The following CBX1 variants were observed in gnomAD, a reference collection of about 807,000 sequenced individuals.
CBX1 encodes the protein chromobox 1, also known as chromobox protein homolog 1.
A neutral mutation model predicts 25.1 loss-of-function variants in CBX1; 10 were observed. That is an observed-to-expected ratio of 0.40 (90% CI 0.25 to 0.68). The LOEUF (loss-of-function observed/expected upper bound fraction) is 0.68, where lower values mean the gene tolerates loss of function less well. CBX1 is among the 30% of genes least tolerant of loss of function. The pLI, the probability that CBX1 is intolerant of heterozygous loss-of-function variation, is 0.40. For missense variants in CBX1, 106 were observed against 218.5 expected (o/e 0.49, Z 3.25); for synonymous variants, 63 against 79.4 (o/e 0.79, Z 1.10).
At chr17:48,078,340 C>T (rs2037697464) in intron 1 of CBX1, among the ~76,000 whole-genome samples, 1 of 151,968 alleles carries the variant, frequency 6.6e-6, no homozygotes, top group Admixed American at 6.6e-5. Context: ...CTACCGGCGC[C>T]CGCCACCACG....
chr17:48,072,868 C>T (rs1441709165), intron 4 of CBX1, among the ~76,000 whole-genome samples: 1 of 151,948 alleles, frequency 6.6e-6, no homozygotes, highest in Non-Finnish European at 1.5e-5. Context: ...CAGTAGCTCA[C>T]GCCTATAATC....
At chr17:48,081,530 C>T (rs1393355207) in intron 1 of CBX1, among the ~76,000 whole-genome samples, 1 of 152,202 alleles carries the variant, frequency 6.6e-6, no homozygotes, top group Non-Finnish European at 1.5e-5. Flanking sequence ...CCTTCACCTC[C>T]TGAGTTCAAG....
chr17:48,077,463 T>G (rs2037688865), intron 1 of CBX1, among the ~76,000 whole-genome samples: 1 of 148,282 alleles, frequency 6.7e-6, no homozygotes, highest in Non-Finnish European at 1.5e-5. Flanking sequence ...TGTTTTTTTT[T>G]TTTTAGTAGA....
chr17:48,082,266 G>A (rs2037745872), intron 1 of CBX1, among the ~76,000 whole-genome samples: 1 of 151,910 alleles, frequency 6.6e-6, no homozygotes. Flanking sequence ...ACTTTGGGAG[G>A]CTGAGGTGGG....
In CBX1 at chr17:48,077,454, GTT is replaced by G. The variant is rs1555577819; in HGVS notation, c.-37-415_-37-414del. Among the ~76,000 whole-genome samples, 118 of 131,596 alleles carry G rather than the reference GTT, an allele frequency of 9.0e-4. 1 individual carries two copies. Among genetic ancestry groups the G allele is most frequent in the East Asian group, 2.5e-3 (12 of 4,716 alleles). 86.3% of individuals were successfully genotyped at this position (131,596 alleles called of 152,430 possible). On this transcript the variant is annotated intron_variant, in intron 1 of 4. Coordinates refer to ENST00000225603, the MANE Select transcript of CBX1 (RefSeq NM_001127228.2). ...TGTTGTTTTTTTTTTTGTTTTTTTTGTTTTTTTTTTTTTAGTAGAGACGGGAT... is the reference window on the plus strand; with the variant it reads ...TGTTGTTTTTTTTTTTGTTTTTTTTGTTTTTTTTTTTAGTAGAGACGGGAT...
chr17:48,074,584 G>A (rs1375973841), intron 4 of CBX1, among the ~76,000 whole-genome samples: 1 of 151,702 alleles, frequency 6.6e-6, no homozygotes, highest in Non-Finnish European at 1.5e-5. Flanking sequence ...CAACAATTAA[G>A]GACAAAAGGA....
intron 1 of CBX1, among the ~76,000 whole-genome samples, chr17:48,090,239 G>C (rs531024687): frequency 6.6e-6 from 1 of 152,154 alleles, no homozygotes; most frequent in East Asian, 1.9e-4. Flanking sequence ...GATGACCTAT[G>C]TAAGTACAAA....
At chr17:48,082,301 G>A (rs2037746322) in intron 1 of CBX1, among the ~76,000 whole-genome samples, 1 of 151,904 alleles carries the variant, frequency 6.6e-6, no homozygotes, top group Admixed American at 6.6e-5. Context: ...AGGAGATCGA[G>A]CCCATCCTGG....
chr17:48,091,435 G>A (rs1405360450), intron 1 of CBX1, among the ~76,000 whole-genome samples: 1 of 150,254 alleles, frequency 6.7e-6, no homozygotes, highest in Non-Finnish European at 1.5e-5. Context: ...ATGAAGTGGT[G>A]TGATATCGGC....
intron 1 of CBX1, among the ~76,000 whole-genome samples, chr17:48,091,218 G>A (rs1039212732): frequency 5.3e-5 from 8 of 152,158 alleles, no homozygotes; most frequent in Non-Finnish European, 7.3e-5. Context: ...TGGGAGGCAC[G>A]GAGAAGATGA....
intron 1 of CBX1, chr17:48,100,899 TCC>T: frequency 9.1e-6 from 9 of 985,574 alleles, no homozygotes; most frequent in Non-Finnish European, 1.1e-5. Flanking sequence ...CGTATGCGCC[TCC>T]TCACGCCTAT....
At chr17:48,075,890 A>T in intron 3 of CBX1, 111 bp downstream of exon 3, 1 of 781,182 alleles carries the variant, frequency 1.3e-6, no homozygotes, top group Non-Finnish European at 2.0e-6. Context: ...CCTACCTAAG[A>T]TTTCAGGACT....
intron 4 of CBX1, among the ~76,000 whole-genome samples, chr17:48,074,376 G>A (rs940560057): frequency 6.6e-6 from 1 of 152,192 alleles, no homozygotes; most frequent in Admixed American, 6.5e-5. Context: ...GCCTTCTTTT[G>A]ACAGAGTAGG....
intron 1 of CBX1, among the ~76,000 whole-genome samples, chr17:48,092,942 T>C (rs986027822): frequency 1.3e-5 from 2 of 151,752 alleles, no homozygotes; most frequent in African/African-American, 4.8e-5. Context: ...TGGTGGCGCA[T>C]GCCTGTAATC....
chr17:48,074,791 A>C, intron 4 of CBX1: 1 of 502,858 alleles, frequency 2.0e-6, no homozygotes, highest in South Asian at 3.4e-5. Context: ...ACCTCCTAAA[A>C]ATATGGGCAA....
chr17:48,098,549 G>A lies in CBX1; in HGVS notation c.-38+2719C>T, dbSNP rs373158954. Among the ~76,000 whole-genome samples, 8 of 152,284 alleles carry A rather than the reference G, an allele frequency of 5.3e-5. No individual in the cohort carries two copies. The East Asian group carries it at 9.6e-4, about 18-fold the overall frequency. ...TTTCGCTCTTGTTGCCCAGGCTGGA[G>A]TGCAATAGCGCGATCTCGGCTCATG... On this transcript the variant is annotated intron_variant, in intron 1 of 4. Coordinates refer to ENST00000225603, the MANE Select transcript of CBX1 (RefSeq NM_001127228.2).
At chr17:48,087,872 C>CAAAAAAAAAAAAAAA (rs531431865) in intron 1 of CBX1, among the ~76,000 whole-genome samples, 2 of 89,452 alleles carry the variant, frequency 2.2e-5, no homozygotes, top group Non-Finnish European at 4.4e-5. Flanking sequence ...GACTCAGTCT[C>CAAAAAAAAAAAAAAA]AAAAAAAAAA....
At chr17:48,086,342 G>A (rs1282775516) in intron 1 of CBX1, among the ~76,000 whole-genome samples, 1 of 152,310 alleles carries the variant, frequency 6.6e-6, no homozygotes, top group East Asian at 1.9e-4. Flanking sequence ...AGTTTGTACT[G>A]TGAAAGGGTA....
chr17:48,092,759 T>C (rs775127361), intron 1 of CBX1, among the ~76,000 whole-genome samples: 2 of 151,846 alleles, frequency 1.3e-5, no homozygotes, highest in Non-Finnish European at 2.9e-5. Flanking sequence ...GCTGCGAGAC[T>C]CTATCTCTAA....
Sources: allele counts gnomAD v4.1 joint callset (sites outside exome capture counted in the v4.1 genomes callset), GRCh38; gene constraint gnomAD v4.1.1; transcripts MANE v1.5; gene names NCBI Gene and HGNC (gene_info 2026-07-23, HGNC 2026-07-21).